The following LAMA2 variants were observed in gnomAD, a reference collection of about 807,000 sequenced individuals.
The protein encoded by LAMA2 is laminin subunit alpha-2.
In LAMA2, 269 loss-of-function variants were observed where a neutral mutation model predicts 364.8. The observed-to-expected ratio is 0.74, with a 90% CI of 0.67 to 0.82. The LOEUF (loss-of-function observed/expected upper bound fraction) is 0.82. Ranked by LOEUF, LAMA2 falls within the 40% of genes least tolerant of loss-of-function variation. The pLI, the probability that LAMA2 is intolerant of heterozygous loss-of-function variation, is 0.00. For missense variants in LAMA2, 3,807 were observed against 3,873.2 expected (o/e 0.98, Z 0.45); for synonymous variants, 1,379 against 1,370.6 (o/e 1.01, Z -0.14).
chr6:129,406,100 T>C (rs1026279411), intron 40 of LAMA2, among the ~76,000 whole-genome samples: 5 of 152,002 alleles, frequency 3.3e-5, no homozygotes, highest in African/African-American at 1.2e-4. Context: ...GAAAATACCA[T>C]AAGAAAAGAA....
chr6:129,309,142 CCTTT>C (rs1477938418), intron 22 of LAMA2, among the ~76,000 whole-genome samples: 1 of 152,108 alleles, frequency 6.6e-6, no homozygotes, highest in East Asian at 1.9e-4. Context: ...TTATAGCTTC[CCTTT>C]CTTTGTGTCA....
rs545056394 is a variant in LAMA2 at position 129,301,648 on chromosome 6, G to C, written c.3174+776G>C. On this transcript the variant is annotated intron_variant, in intron 22 of 64. Transcript: ENST00000421865. ...GCAGCTATAGGAATTATAGGAGGAG[G>C]AGCAAGTTCAGGAAGGAAAGATAAT... 7.2e-5 allele frequency among the ~76,000 whole-genome samples: 11 copies of C among 152,164 alleles called. No individual in the cohort carries two copies. In the South Asian group the frequency reaches 2.3e-3, roughly 32 times the overall value.
At chr6:129,217,535 C>T (rs1469734454) in intron 12 of LAMA2, among the ~76,000 whole-genome samples, 2 of 152,156 alleles carry the variant, frequency 1.3e-5, no homozygotes, top group East Asian at 3.9e-4. Context: ...GATATTTCTC[C>T]TATAAATAGT....
At chr6:129,469,707 G>T (rs1164018181) in intron 51 of LAMA2, among the ~76,000 whole-genome samples, 1 of 151,420 alleles carries the variant, frequency 6.6e-6, no homozygotes, top group Non-Finnish European at 1.5e-5. Context: ...TCCATCGACA[G>T]GTAAATAGAT....
Position 129,316,176 on chromosome 6 carries a change from A to T in LAMA2, c.4058+5A>T. The T allele has an allele frequency of 6.3e-7, 1 of 1,596,274 alleles. No individual in the cohort carries two copies. Among genetic ancestry groups the T allele is most frequent in the East Asian group, 2.2e-5 (1 of 44,828 alleles). Reference sequence around the variant, plus strand: ...AAATTTCATGCGACAAAGCAGGTAAACTCTAATAGAAAATATTCAAGCTCT... The same window carrying T: ...AAATTTCATGCGACAAAGCAGGTAATCTCTAATAGAAAATATTCAAGCTCT... On this transcript the variant is annotated splice_donor_5th_base_variant and intron_variant, in intron 27 of 64. Coordinates refer to ENST00000421865, the MANE Select transcript of LAMA2 (RefSeq NM_000426.4).
chr6:129,165,455 T>C (rs1039831041), intron 8 of LAMA2, 121 bp from the exon 9 acceptor site: 1 of 638,342 alleles, frequency 1.6e-6, no homozygotes, highest in Non-Finnish European at 2.8e-6. Flanking sequence ...ATTCTTATAG[T>C]TTTCTCAATA....
Position 129,297,832 on chromosome 6 carries a change from G to T in LAMA2, c.3004G>T (p.Gly1002Cys). 6.2e-7 allele frequency: 1 copy of T among 1,613,822 alleles called. No individual in the cohort carries two copies. ...TGKKCDRCAH[G>C]YFNFQEGGCT... ...GAAGAAATGTGACCGCTGTGCCCAC[G>T]GCTATTTCAACTTCCAAGAAGGAGG... is the stretch of plus-strand genomic sequence containing the variant. The change falls in exon 21 of 65, where the codon GGC becomes TGC. Residue 1002 changes from glycine to cysteine, a missense_variant. Around this residue, in one of 3 missense-constraint regions of LAMA2, gnomAD observed 3,333 missense variants for 3,345.7 expected, o/e 1.00. Transcript: ENST00000421865.
At chr6:128,921,957 G>A (rs1322795729) in intron 1 of LAMA2, among the ~76,000 whole-genome samples, 9 of 148,898 alleles carry the variant, frequency 6.0e-5, no homozygotes, top group Non-Finnish European at 1.2e-4. Context: ...AATATGCGGT[G>A]TTTGGTTTTT....
chr6:129,136,727 T>G (rs770591464), intron 4 of LAMA2, among the ~76,000 whole-genome samples: 30 of 152,190 alleles, frequency 2.0e-4, no homozygotes, highest in Non-Finnish European at 4.4e-4. Context: ...TTTAAATATT[T>G]TGTGGAAGGC....
intron 34 of LAMA2, 25 bp from the exon 35 acceptor site, chr6:129,383,095 ATG>A: frequency 6.4e-7 from 1 of 1,568,550 alleles, no homozygotes; most frequent in South Asian, 1.1e-5. Context: ...TCTATTAATT[ATG>A]TGTTTCCCGA....
chr6:128,890,361 C>A (rs1230666201), intron 1 of LAMA2, among the ~76,000 whole-genome samples: 1 of 152,072 alleles, frequency 6.6e-6, no homozygotes, highest in Non-Finnish European at 1.5e-5. Flanking sequence ...CTGCTCTTGA[C>A]TTTGTAGATG....
intron 1 of LAMA2, among the ~76,000 whole-genome samples, chr6:128,973,168 A>T (rs1345675561): frequency 6.6e-6 from 1 of 152,202 alleles, no homozygotes. Flanking sequence ...GGCAATCCTA[A>T]ATCAAAGCCA....
chr6:128,933,278 G>GTGTCTGTA (rs1354740953), intron 1 of LAMA2, among the ~76,000 whole-genome samples: 244 of 151,766 alleles, frequency 1.6e-3, no homozygotes, highest in African/African-American at 5.7e-3. Context: ...GTGTGTCTGT[G>GTGTCTGTA]TATGTGTGTA....
At chr6:128,888,267 G>A (rs1209853410) in intron 1 of LAMA2, among the ~76,000 whole-genome samples, 2 of 152,174 alleles carry the variant, frequency 1.3e-5, no homozygotes, top group East Asian at 3.9e-4. Context: ...AAGTTGTGAA[G>A]GAAATTGGTG....
chr6:129,268,305 C>A (rs149576382), intron 16 of LAMA2, among the ~76,000 whole-genome samples: 1 of 152,072 alleles, frequency 6.6e-6, no homozygotes, highest in Non-Finnish European at 1.5e-5. Context: ...AAGTGATTTT[C>A]ATTTTAATTA....
At chr6:129,445,917 C>T (rs1782347620) in intron 45 of LAMA2, 96 bp downstream of exon 45, 2 of 1,250,018 alleles carry the variant, frequency 1.6e-6, no homozygotes, top group East Asian at 4.9e-5. Context: ...GTTGAATGAT[C>T]TTGGGTCCTT....
At chr6:129,383,275 A>G (rs1282792045) in intron 35 of LAMA2, 42 bp downstream of exon 35, 1 of 1,394,908 alleles carries the variant, frequency 7.2e-7, no homozygotes, top group Non-Finnish European at 1.0e-6. Flanking sequence ...TTCTCCCAAC[A>G]GAAAAACACA....
intron 1 of LAMA2, among the ~76,000 whole-genome samples, chr6:128,909,987 G>A (rs375361386): frequency 6.6e-6 from 1 of 151,812 alleles, no homozygotes; most frequent in East Asian, 1.9e-4. Flanking sequence ...TGGCTTGTAG[G>A]GTTTCTGCCG....
chr6:129,338,441 A>T (rs1397219982), intron 29 of LAMA2, among the ~76,000 whole-genome samples: 1 of 152,304 alleles, frequency 6.6e-6, no homozygotes, highest in South Asian at 2.1e-4. Flanking sequence ...TCATAATGCT[A>T]CTGTTAAATA....
Sources: gnomAD v4.1 joint callset for allele counts (sites outside exome capture counted in the v4.1 genomes callset) on GRCh38, gnomAD v4.1.1 for gene constraint, gnomAD v4.1.1 regional missense constraint, MANE v1.5 for transcripts, NCBI Gene and HGNC (gene_info 2026-07-23, HGNC 2026-07-21) for gene names.